Variants in ITFG2 observed in about 807,000 individuals in gnomAD.
ITFG2 encodes KICSTOR complex protein ITFG2.
ITFG2 carries 36 observed loss-of-function variants against 54.4 expected under a neutral mutation model. The observed-to-expected ratio is 0.66, with a 90% CI of 0.51 to 0.87. The LOEUF (loss-of-function observed/expected upper bound fraction) is 0.87, where lower values mean the gene tolerates loss of function less well. ITFG2 is among the 40% of genes least tolerant of loss of function. ITFG2 has a pLI of 0.00. For synonymous variants in ITFG2, 211 were observed against 225.4 expected (o/e 0.94, Z 0.57); for missense variants, 524 against 576.7 (o/e 0.91, Z 0.94).
intron 2 of ITFG2, chr12:2,849,387 C>T: frequency 6.5e-7 from 1 of 1,536,176 alleles, no homozygotes; most frequent in East Asian, 2.4e-5. Context: ...GCAGCAAGGC[C>T]AGCTTTAGCA....
chr12:2,820,657 T>A, intron 5 of ITFG2, 67 bp from the exon 6 acceptor site: 4 of 166,336 alleles, frequency 2.4e-5, no homozygotes, highest in African/African-American at 1.7e-4. Context: ...CACCGCCCCC[T>A]GCCGTTCTCT....
chr12:2,857,172 C>G, intron 2 of ITFG2: 1 of 665,176 alleles, frequency 1.5e-6, no homozygotes, highest in Non-Finnish European at 2.7e-6. Flanking sequence ...CCTCTTGTGA[C>G]CCTTGGGCCC....
At chr12:2,857,294 C>T (rs1159406493) in intron 2 of ITFG2, 1 of 513,272 alleles carries the variant, frequency 1.9e-6, no homozygotes, top group Non-Finnish European at 3.5e-6. Context: ...GGCAGGCTGG[C>T]TCCCAGGCCT....
In ITFG2 at chr12:2,820,095, G is replaced by C. The variant is rs2097938197; in HGVS notation, c.416G>C (p.Gly139Ala). Residue 139 changes from glycine (G) to alanine (A), a missense_variant, in exon 5 of 12, where the codon GGG (glycine) becomes GCG (alanine). Coordinates refer to ENST00000228799, the MANE Select transcript of ITFG2 (RefSeq NM_018463.4). Reference protein sequence around the residue: ...VMLISDIDGDGCRELVVGYTD... With the variant: ...VMLISDIDGDACRELVVGYTD... ...TCTTTCATGCCCACAGATGGAGATG[G>C]GTGTCGTGAGCTGGTGGTGGGCTAC... 3 of 1,609,344 alleles carry C rather than the reference G, an allele frequency of 1.9e-6. No individual in the cohort carries two copies. Among genetic ancestry groups the C allele is most frequent in the Admixed American group, 3.4e-5 (2 of 59,030 alleles).
chr12:2,856,510 C>T (rs761205690), intron 2 of ITFG2, among the ~76,000 whole-genome samples: 9 of 152,118 alleles, frequency 5.9e-5, no homozygotes, highest in Non-Finnish European at 1.2e-4. Flanking sequence ...GGATTACAGG[C>T]GCGTGCCACC....
rs996459617 is a variant in ITFG2, at chr12:2,845,119, G to A, written n.300+4124G>A. On this transcript the variant is annotated intron_variant and non_coding_transcript_variant, in intron 2 of 3. Transcript: ENST00000537710. This position sits in a 1 kb window ranked among gnomAD's most constrained non-coding sequence, Gnocchi z 4.2. ...TGAAAAGAGCAAATGTGTGCGGCTCGGTGGCAGCACAACTAAGGACAGGGC... is the reference window on the plus strand; with the variant it reads ...TGAAAAGAGCAAATGTGTGCGGCTCAGTGGCAGCACAACTAAGGACAGGGC... Among the ~76,000 whole-genome samples, 1 of 152,062 alleles carries A rather than the reference G, an allele frequency of 6.6e-6. No individual in the cohort carries two copies. Among genetic ancestry groups the A allele is most frequent in the African/African-American group, 2.4e-5 (1 of 41,376 alleles).
chr12:2,842,835 A>G (rs1016805272), intron 2 of ITFG2, among the ~76,000 whole-genome samples: 3 of 152,146 alleles, frequency 2.0e-5, no homozygotes, highest in Middle Eastern at 3.2e-3. Flanking sequence ...CTCTTTCCTG[A>G]TAGAATCTCA....
intron 1 of ITFG2, among the ~76,000 whole-genome samples, chr12:2,839,577 A>G (rs2098036181): frequency 6.6e-6 from 1 of 152,164 alleles, no homozygotes; most frequent in Admixed American, 6.5e-5. Flanking sequence ...TTTCATTCAG[A>G]AAAAAGTAGT....
intron 3 of ITFG2, 70 bp from the exon 4 acceptor site, chr12:2,818,036 A>T: frequency 1.2e-6 from 2 of 1,609,238 alleles, no homozygotes; most frequent in Non-Finnish European, 1.7e-6. Context: ...GACCTCTGTG[A>T]TCTGATGATC....
upstream of ITFG2, among the ~76,000 whole-genome samples, chr12:2,835,698 A>G (rs1034914034): frequency 1.1e-4 from 17 of 152,222 alleles, no homozygotes; most frequent in African/African-American, 3.6e-4. Context: ...GTTATAAAGA[A>G]TAAGATAACC....
Position 2,820,123 on chromosome 12 carries a change from A to G in ITFG2, c.444A>G (p.Thr148=). 6.2e-7 allele frequency: 1 copy of G among 1,613,794 alleles called. No homozygotes were observed. The highest frequency in any genetic ancestry group is 8.5e-7 in the Non-Finnish European group (1 of 1,179,838). ...DGCRELVVGY[T]DRVVRAFRWE... The stretch of plus-strand genomic sequence containing the variant: ...GTCGTGAGCTGGTGGTGGGCTACAC[A>G]GACCGTGTGGTGCGAGCTTTCCGCT... Residue 148 remains threonine, a synonymous_variant, in exon 5 of 12, where the codon ACA becomes ACG. Coordinates refer to ENST00000228799, the MANE Select transcript of ITFG2 (RefSeq NM_018463.4).
At position 2,840,647 on chromosome 12, in the gene ITFG2, G is replaced by A. The variant is rs373305973; in HGVS notation, n.147-195G>A. ...TAAAAATACAAAAACTTAGCCGGGC[G>A]AGGTGGCGGGCGCCTGTAGTCCCAG... On this transcript the variant is annotated intron_variant and non_coding_transcript_variant, in intron 1 of 3. Coordinates refer to the ITFG2 transcript ENST00000537710. 9.0e-4 allele frequency among the ~76,000 whole-genome samples: 137 copies of A among 152,012 alleles called. 2 individuals are homozygous for A. In the South Asian group the frequency reaches 0.028, roughly 31 times the overall value.
At chr12:2,840,104 C>CAA (rs59246625) in intron 1 of ITFG2, among the ~76,000 whole-genome samples, 3 of 104,868 alleles carry the variant, frequency 2.9e-5, no homozygotes, top group Non-Finnish European at 4.2e-5. Flanking sequence ...TGAATCTAAC[C>CAA]AAAAAAAAAA....
chr12:2,821,593 G>C lies in ITFG2; in HGVS notation c.844G>C (p.Asp282His), dbSNP rs888133222. 1 of 1,614,192 alleles carries C rather than the reference G, an allele frequency of 6.2e-7. No individual in the cohort carries two copies. Among genetic ancestry groups the C allele is most frequent in the Non-Finnish European group, 8.5e-7 (1 of 1,180,034 alleles). ...TGGCCTCTTTGCCCTGTGCACCCTG[G>C]ATGGTGAGCAATGCTAGGATGGGGT... Reference protein sequence around the residue: ...GSGLFALCTLDGTLKLMEEME... With the variant: ...GSGLFALCTLHGTLKLMEEME... Residue 282 changes from aspartate (D) to histidine (H), a missense_variant, in exon 8 of 12, where the codon GAT (aspartate) becomes CAT (histidine). Coordinates refer to ENST00000228799, the MANE Select transcript of ITFG2 (RefSeq NM_018463.4).
intron 2 of ITFG2, among the ~76,000 whole-genome samples, chr12:2,848,203 G>C (rs1360254309): frequency 6.6e-6 from 1 of 152,184 alleles, no homozygotes; most frequent in Non-Finnish European, 1.5e-5. Context: ...AGACAAAGAA[G>C]GCCGTGGGCA....
chr12:2,858,905 C>G (rs995881166), intron 3 of ITFG2: 11 of 1,613,762 alleles, frequency 6.8e-6, no homozygotes, highest in Admixed American at 1.7e-5. Flanking sequence ...AACTGAGGAG[C>G]CTTTGCGGTG....
intron 2 of ITFG2, among the ~76,000 whole-genome samples, chr12:2,851,667 T>A (rs1438851483): frequency 1.3e-5 from 2 of 150,242 alleles, no homozygotes; most frequent in Non-Finnish European, 3.0e-5. Flanking sequence ...ATTTTAATTT[T>A]ATTTATTTTT....
chr12:2,817,398 G>A, intron 2 of ITFG2, 80 bp downstream of exon 2: 1 of 956,338 alleles, frequency 1.0e-6, no homozygotes, highest in Admixed American at 2.1e-5. Flanking sequence ...GCCCCACACA[G>A]GTGCTCACCC....
chr12:2,819,394 G>A (rs558462771), intron 4 of ITFG2, among the ~76,000 whole-genome samples: 13 of 152,212 alleles, frequency 8.5e-5, no homozygotes, highest in Admixed American at 6.5e-4. Context: ...CATGAACCCA[G>A]GAGGCAGAGC....
Sources: gnomAD v4.1 joint callset for allele counts (sites outside exome capture counted in the v4.1 genomes callset) on GRCh38, gnomAD v4.1.1 for gene constraint, Gnocchi (gnomAD v3.1) non-coding constraint, MANE v1.5 for transcripts, NCBI Gene and HGNC (gene_info 2026-07-23, HGNC 2026-07-21) for gene names.